The following XPA variants were observed in gnomAD, a reference collection of about 807,000 sequenced individuals.
XPA encodes the protein XPA, DNA damage recognition and repair factor.
Under a neutral mutation model 35.7 loss-of-function variants are expected in XPA, and 27 were observed. The ratio of observed to expected loss-of-function variants is 0.76; its 90% CI spans 0.56 to 1.04. The LOEUF (loss-of-function observed/expected upper bound fraction) is 1.04. XPA is among the 50% of genes least tolerant of loss of function. XPA has a pLI of 0.00. For synonymous variants in XPA, 133 were observed against 118.4 expected (o/e 1.12, Z -0.80); for missense variants, 354 against 342.7 (o/e 1.03, Z -0.26).
intron 5 of XPA, among the ~76,000 whole-genome samples, chr9:97,683,561 A>C (rs3176703): frequency 6.6e-6 from 1 of 152,214 alleles, no homozygotes; most frequent in Non-Finnish European, 1.5e-5. Context: ...ACTTCGTGTC[A>C]AACAGTGCTT....
chr9:97,666,953 C>G, the XPA span: 7 of 1,088,908 alleles, frequency 6.4e-6, no homozygotes, highest in African/African-American at 1.1e-4. Context: ...AGTTCATTAT[C>G]TTGATGATAT....
chr9:97,658,874 G>A, the XPA span: 1 of 700,862 alleles, frequency 1.4e-6, no homozygotes, highest in Non-Finnish European at 2.5e-6. Context: ...TTGAAAGGTG[G>A]TCTATCATTA....
chr9:97,655,682 C>T, the XPA span: 3 of 1,590,740 alleles, frequency 1.9e-6, no homozygotes, highest in African/African-American at 1.4e-5. Context: ...TCTCTGCCTA[C>T]CTCCCCCTTC....
At chr9:97,693,809 T>C (rs775171940) in intron 1 of XPA, 50 bp from the exon 2 acceptor site, 3 of 1,525,024 alleles carry the variant, frequency 2.0e-6, no homozygotes, top group Admixed American at 1.7e-5. Context: ...TAAGCCTGTA[T>C]GTTACCTTGT....
intron 3 of XPA, among the ~76,000 whole-genome samples, chr9:97,688,971 TAGG>T (rs1457610786): frequency 2.0e-5 from 3 of 152,114 alleles, no homozygotes; most frequent in South Asian, 2.1e-4. Context: ...ACAGTAGTGA[TAGG>T]AGAACCACGT....
chr9:97,695,576 G>C (rs896311555), intron 1 of XPA, among the ~76,000 whole-genome samples: 5 of 152,210 alleles, frequency 3.3e-5, no homozygotes, highest in Non-Finnish European at 1.5e-5. Context: ...GACTTGAGCA[G>C]GATCCTAAAC....
chr9:97,693,738 G>T lies in XPA; in HGVS notation c.194C>A (p.Ala65Asp). Reference sequence around the variant, plus strand: ...TCCTCCTGTGTCAATTATCTTTGGGGCTGCTTTTACATTAGCCATGCCTAC... The same window carrying T: ...TCCTCCTGTGTCAATTATCTTTGGGTCTGCTTTTACATTAGCCATGCCTAC... Reference protein sequence around the residue: ...ATGGMANVKAAPKIIDTGGGF... With the variant: ...ATGGMANVKADPKIIDTGGGF... Residue 65 changes from alanine (A) to aspartate (D), a missense_variant, in exon 2 of 6, where the codon GCC becomes GAC. Coordinates refer to ENST00000375128, the MANE Select transcript of XPA (RefSeq NM_000380.4). 1 of 1,613,054 alleles carries T rather than the reference G, an allele frequency of 6.2e-7. No individual in the cohort carries two copies.
the XPA span, among the ~76,000 whole-genome samples, chr9:97,667,450 C>A: frequency 8.5e-5 from 13 of 152,084 alleles, no homozygotes; most frequent in Admixed American, 6.5e-4. Flanking sequence ...CCTATAGGAA[C>A]CTTTCGCAAG....
chr9:97,695,201 C>T (rs1829005947), intron 1 of XPA, among the ~76,000 whole-genome samples: 3 of 151,098 alleles, frequency 2.0e-5, no homozygotes, highest in South Asian at 4.1e-4. Flanking sequence ...GTACATTTTA[C>T]AGTATGTTAC....
chr9:97,668,758 CCAGA>C, the XPA span: 25 of 1,418,608 alleles, frequency 1.8e-5, no homozygotes, highest in Non-Finnish European at 2.4e-5. Flanking sequence ...TAACATTTGG[CCAGA>C]CACAGTAAAA....
intron 1 of XPA, among the ~76,000 whole-genome samples, chr9:97,695,571 G>C (rs1056349725): frequency 6.6e-6 from 1 of 152,224 alleles, no homozygotes; most frequent in Admixed American, 6.5e-5. Flanking sequence ...CCCATGACTT[G>C]AGCAGGATCC....
intron 2 of XPA, among the ~76,000 whole-genome samples, chr9:97,691,927 A>C (rs1587750653): frequency 6.8e-6 from 1 of 148,142 alleles, no homozygotes; most frequent in Middle Eastern, 3.6e-3. Context: ...GTAAATAAAT[A>C]AATTTTACTA....
At chr9:97,685,787 G>A (rs915445619) in intron 4 of XPA, among the ~76,000 whole-genome samples, 1 of 152,150 alleles carries the variant, frequency 6.6e-6, no homozygotes, top group Non-Finnish European at 1.5e-5. Flanking sequence ...CCCTGAAAAT[G>A]CTGCATCACC....
chr9:97,691,511 G>A (rs931328007), intron 2 of XPA, among the ~76,000 whole-genome samples: 1 of 152,048 alleles, frequency 6.6e-6, no homozygotes. Context: ...ACACCAGCCT[G>A]GTCAACATGG....
the XPA span, chr9:97,661,079 T>A: frequency 6.2e-7 from 1 of 1,610,994 alleles, no homozygotes; most frequent in South Asian, 1.1e-5. Flanking sequence ...GTAAGTGGAA[T>A]TCAGTATTTC....
the XPA span, among the ~76,000 whole-genome samples, chr9:97,661,738 T>G: frequency 6.0e-5 from 9 of 151,098 alleles, no homozygotes; most frequent in African/African-American, 1.2e-4. Flanking sequence ...AAGTGTTTTT[T>G]TTTTTTTTTT....
intron 2 of XPA, among the ~76,000 whole-genome samples, chr9:97,693,444 AAAT>A (rs1378185085): frequency 5.3e-5 from 8 of 152,186 alleles, no homozygotes; most frequent in Non-Finnish European, 1.0e-4. Flanking sequence ...GCCACAAGTT[AAAT>A]AATCATTTCC....
the XPA span, chr9:97,661,162 AT>A: frequency 1.3e-6 from 2 of 1,486,230 alleles, no homozygotes; most frequent in Admixed American, 4.0e-5. Context: ...TTAAAGCAAT[AT>A]ATCTATATCT....
At chr9:97,657,303 A>G in the XPA span, among the ~76,000 whole-genome samples, 1 of 152,148 alleles carries the variant, frequency 6.6e-6, no homozygotes, top group African/African-American at 2.4e-5. Flanking sequence ...TATAGTGTTG[A>G]GTTGTCATTC....
Sources: gnomAD v4.1 joint callset for allele counts (sites outside exome capture counted in the v4.1 genomes callset) on GRCh38, gnomAD v4.1.1 for gene constraint, MANE v1.5 for transcripts, NCBI Gene and HGNC (gene_info 2026-07-23, HGNC 2026-07-21) for gene names.